The following ZCCHC7 variants were observed in gnomAD, a reference collection of about 807,000 sequenced individuals.
The protein encoded by ZCCHC7 is zinc finger CCHC-type containing 7.
In ZCCHC7, 35 loss-of-function variants were observed where a neutral mutation model predicts 52.0. That is an observed-to-expected ratio of 0.67 (90% CI 0.51 to 0.89). The LOEUF is 0.89. Among genes scored for constraint, ZCCHC7 ranks in the 40% least tolerant of loss-of-function variants. The probability of loss-of-function intolerance (pLI) is 0.00; values close to 1 mark genes in which losing one functional copy is unlikely to be tolerated. For missense variants in ZCCHC7, 574 were observed against 649.1 expected (o/e 0.88, Z 1.26); for synonymous variants, 217 against 221.5 (o/e 0.98, Z 0.18).
chr9:37,296,881 T>TTGTTTGTG (rs1554725973), intron 2 of ZCCHC7, among the ~76,000 whole-genome samples: 1 of 124,136 alleles, frequency 8.1e-6, no homozygotes, highest in Non-Finnish European at 1.7e-5. Flanking sequence ...CCTGGCTAGT[T>TTGTTTGTG]TGTGTGTGTG....
chr9:37,294,788 A>G, intron 2 of ZCCHC7, among the ~76,000 whole-genome samples: 1 of 152,182 alleles, frequency 6.6e-6, no homozygotes, highest in East Asian at 1.9e-4. Context: ...TGGATAGATA[A>G]AATAGATATG....
intron 2 of ZCCHC7, among the ~76,000 whole-genome samples, chr9:37,217,236 G>A (rs1376235386): frequency 6.6e-6 from 1 of 152,058 alleles, no homozygotes; most frequent in African/African-American, 2.4e-5. Flanking sequence ...CAGTATCCGT[G>A]AAAATAAAAA....
intron 2 of ZCCHC7, among the ~76,000 whole-genome samples, chr9:37,255,351 C>T (rs540333246): frequency 3.2e-4 from 48 of 151,978 alleles, no homozygotes; most frequent in African/African-American, 1.1e-3. Context: ...CATTGTGATA[C>T]CTTAACAGTT....
intron 2 of ZCCHC7, among the ~76,000 whole-genome samples, chr9:37,185,329 C>T (rs538970249): frequency 2.3e-4 from 35 of 152,258 alleles, no homozygotes; most frequent in African/African-American, 8.4e-4. Flanking sequence ...CTGGGTGTTC[C>T]ATTTGATCTG....
At chr9:37,176,920 C>T (rs1265039692) in intron 2 of ZCCHC7, among the ~76,000 whole-genome samples, 1 of 152,182 alleles carries the variant, frequency 6.6e-6, no homozygotes, top group East Asian at 1.9e-4. Flanking sequence ...TAAGGTCTTA[C>T]ACTGGTGTTT....
At chr9:37,285,583 G>A (rs1322596800) in intron 2 of ZCCHC7, among the ~76,000 whole-genome samples, 2 of 152,036 alleles carry the variant, frequency 1.3e-5, no homozygotes, top group African/African-American at 2.4e-5. Flanking sequence ...TGTTGTTTTG[G>A]AATATAATTT....
chr9:37,233,734 G>A (rs1453236579), intron 2 of ZCCHC7, among the ~76,000 whole-genome samples: 2 of 152,120 alleles, frequency 1.3e-5, no homozygotes, highest in Non-Finnish European at 1.5e-5. Flanking sequence ...ACTACATGAA[G>A]GAATGACAGG....
At chr9:37,327,591 T>C (rs1227158489) in intron 5 of ZCCHC7, 2 of 460,912 alleles carry the variant, frequency 4.3e-6, no homozygotes, top group Non-Finnish European at 7.8e-6. Flanking sequence ...GTTACTGGCT[T>C]TCTGACAATG....
At chr9:37,142,225 AAAAC>A (rs1343462366) in intron 2 of ZCCHC7, among the ~76,000 whole-genome samples, 1 of 151,790 alleles carries the variant, frequency 6.6e-6, no homozygotes, top group East Asian at 1.9e-4. Flanking sequence ...TAGGCTAAAA[AAAAC>A]CTTGTAATGT....
intron 2 of ZCCHC7, among the ~76,000 whole-genome samples, chr9:37,199,815 C>T (rs545031417): frequency 6.6e-5 from 10 of 152,258 alleles, no homozygotes; most frequent in African/African-American, 1.2e-4. Context: ...ACGCCATTCT[C>T]CTGCCTCAGC....
chr9:37,228,385 A>C (rs2133298165), intron 2 of ZCCHC7, among the ~76,000 whole-genome samples: 1 of 151,810 alleles, frequency 6.6e-6, no homozygotes, highest in South Asian at 2.1e-4. Context: ...GATTTTATTT[A>C]TTTATTTTTT....
intron 5 of ZCCHC7, among the ~76,000 whole-genome samples, chr9:37,315,490 T>C (rs1289433425): frequency 6.6e-6 from 1 of 151,962 alleles, no homozygotes; most frequent in Non-Finnish European, 1.5e-5. Context: ...TCAAGCAAAT[T>C]ATATAATAAT....
At chr9:37,331,568 C>T (rs1296761258) in intron 6 of ZCCHC7, among the ~76,000 whole-genome samples, 3 of 151,538 alleles carry the variant, frequency 2.0e-5, no homozygotes, top group Non-Finnish European at 4.4e-5. Context: ...GGTTTTGGTT[C>T]TGAGACTATA....
intron 3 of ZCCHC7, among the ~76,000 whole-genome samples, chr9:37,303,655 CTTTTTTTTT>C (rs74182940): frequency 5.3e-4 from 30 of 56,778 alleles, no homozygotes; most frequent in Admixed American, 1.9e-3. Flanking sequence ...TTTTCTACCT[CTTTTTTTTT>C]TTTTTTTTTT....
intron 2 of ZCCHC7, among the ~76,000 whole-genome samples, chr9:37,265,893 C>A (rs1209632610): frequency 6.6e-6 from 1 of 152,140 alleles, no homozygotes; most frequent in Non-Finnish European, 1.5e-5. Flanking sequence ...CTGGATGGTT[C>A]AGGCTTTGAT....
chr9:37,302,500 A>G (rs2133697060), intron 3 of ZCCHC7, among the ~76,000 whole-genome samples: 1 of 152,330 alleles, frequency 6.6e-6, no homozygotes, highest in East Asian at 1.9e-4. Flanking sequence ...CACTAAAAAG[A>G]TCAACACCGG....
At chr9:37,146,563 TTAG>T (rs1476932984) in intron 2 of ZCCHC7, among the ~76,000 whole-genome samples, 5 of 152,058 alleles carry the variant, frequency 3.3e-5, no homozygotes, top group Non-Finnish European at 7.4e-5. Flanking sequence ...GGTAGCTGTA[TTAG>T]TTAGAACATT....
upstream of ZCCHC7, among the ~76,000 whole-genome samples, chr9:37,120,175 C>T (rs1842241834): frequency 6.6e-6 from 1 of 152,204 alleles, no homozygotes; most frequent in African/African-American, 2.4e-5. Context: ...AAGGCGTCCA[C>T]CGAGCGCCAG....
In ZCCHC7 at chr9:37,172,320, T is replaced by C. The variant is rs1821773691; in HGVS notation, c.610+45378T>C. ...TGTACTGTTTTCTTAAAATGGTCTTTAGCATCTTTTATACCTTCACTTTTG... is the reference window on the plus strand; with the variant it reads ...TGTACTGTTTTCTTAAAATGGTCTTCAGCATCTTTTATACCTTCACTTTTG... On this transcript the variant is annotated intron_variant, in intron 2 of 8. Coordinates refer to ENST00000336755, the MANE Select transcript of ZCCHC7 (RefSeq NM_032226.3). Among the ~76,000 whole-genome samples, 7 of 152,264 alleles carry C rather than the reference T, an allele frequency of 4.6e-5. No homozygotes were observed. The South Asian group carries it at 1.2e-3, about 27-fold the overall frequency.
Sources: allele counts gnomAD v4.1 joint callset (sites outside exome capture counted in the v4.1 genomes callset), GRCh38; gene constraint gnomAD v4.1.1; transcripts MANE v1.5; gene names NCBI Gene and HGNC (gene_info 2026-07-23, HGNC 2026-07-21).